The following DHRS12 variants were observed in gnomAD, a reference collection of about 807,000 sequenced individuals.
The protein encoded by DHRS12 is dehydrogenase/reductase 12.
Under a neutral mutation model 32.1 loss-of-function variants are expected in DHRS12, and 29 were observed. The ratio of observed to expected loss-of-function variants is 0.90; its 90% CI spans 0.67 to 1.23. The LOEUF (loss-of-function observed/expected upper bound fraction) is 1.23. DHRS12 is among the 50% of genes most tolerant of loss of function. DHRS12 has a pLI of 0.00. For synonymous variants in DHRS12, 150 were observed against 135.9 expected, an observed-to-expected ratio of 1.10 and a Z score of -0.72; for missense variants, 330 against 337.2, an observed-to-expected ratio of 0.98 and a Z score of 0.17.
intron 2 of DHRS12, among the ~76,000 whole-genome samples, chr13:51,793,742 G>C (rs1382656849): frequency 1.3e-5 from 2 of 152,188 alleles, no homozygotes; most frequent in African/African-American, 4.8e-5. Flanking sequence ...ACTGAGTCTA[G>C]ACACCTAATC....
At chr13:51,797,415 A>C (rs1260878482) in intron 2 of DHRS12, among the ~76,000 whole-genome samples, 1 of 152,194 alleles carries the variant, frequency 6.6e-6, no homozygotes, top group Admixed American at 6.5e-5. Context: ...AGTAGCTCTC[A>C]TCAAGACCCA....
chr13:51,782,155 A>C lies in DHRS12; in HGVS notation c.302-5034T>G, dbSNP rs947712388. On this transcript the variant is annotated intron_variant, in intron 4 of 8. Transcript: ENST00000444610. The surrounding 1 kb of genome is among the most constrained non-coding windows in gnomAD (Gnocchi z 4.2). ...CAGACCGGTGAGGGACTAAGGCTTC[A>C]GTTTTGGACATGCTGAGTCTGAGGT... Among the ~76,000 whole-genome samples, 11 of 152,110 alleles carry C rather than the reference A, an allele frequency of 7.2e-5. No individual in the cohort carries two copies. The highest frequency in any genetic ancestry group is 1.2e-4 in the Non-Finnish European group (8 of 68,022).
chr13:51,786,207 A>G (rs1954948267), intron 4 of DHRS12, among the ~76,000 whole-genome samples: 1 of 152,234 alleles, frequency 6.6e-6, no homozygotes, highest in Non-Finnish European at 1.5e-5. Flanking sequence ...CTGCCTGTTT[A>G]TCACAGTCAA....
intron 5 of DHRS12, chr13:51,776,572 C>T (rs997290253): frequency 3.0e-4 from 51 of 168,506 alleles, no homozygotes; most frequent in African/African-American, 1.1e-3. Context: ...AGGATATGAA[C>T]TTTCGGGTCG....
chr13:51,755,679 G>A, the DHRS12 span, among the ~76,000 whole-genome samples: 2 of 152,188 alleles, frequency 1.3e-5, no homozygotes, highest in East Asian at 3.9e-4. Context: ...AGTTAGGGAT[G>A]TGATTTTAGA....
chr13:51,757,098 G>T, the DHRS12 span, among the ~76,000 whole-genome samples: 1 of 152,174 alleles, frequency 6.6e-6, no homozygotes, highest in Non-Finnish European at 1.5e-5. Flanking sequence ...CTTACAGGAG[G>T]ATCTGCAGGG....
intron 6 of DHRS12, chr13:51,772,604 C>T (rs1432684113): frequency 9.1e-6 from 9 of 984,624 alleles, no homozygotes; most frequent in Non-Finnish European, 1.1e-5. Context: ...TATGAATTAA[C>T]TCCTTCCTTA....
At position 51,799,642 on chromosome 13, in the gene DHRS12, C is replaced by G. The variant is rs770572615; in HGVS notation, c.18G>C (p.Lys6Asn). The change falls in exon 2 of 9, where the codon AAG becomes AAC. Residue 6 changes from lysine (K) to asparagine (N), a missense_variant. Coordinates refer to ENST00000444610, the MANE Select transcript of DHRS12 (RefSeq NM_001377533.1). The stretch of plus-strand genomic sequence containing the variant: ...ACCTCCAAGTCATGAGGGACAAAGT[C>G]TTTACATGCAGATTCATAGCCACTC... MNLHV[K>N]TLSLMTWRSR... 6.2e-7 allele frequency: 1 copy of G among 1,614,098 alleles called. No individual in the cohort carries two copies. Among genetic ancestry groups the G allele is most frequent in the African/African-American group, 1.3e-5 (1 of 75,052 alleles).
At chr13:51,768,382 G>T (rs538773008) in intron 8 of DHRS12, 86 bp from the exon 9 acceptor site, 2 of 1,517,268 alleles carry the variant, frequency 1.3e-6, no homozygotes, top group South Asian at 1.2e-5. Flanking sequence ...GCCTTGAACC[G>T]ACGCCTGCTG....
chr13:51,776,584 G>A, intron 5 of DHRS12: 1 of 174,808 alleles, frequency 5.7e-6, no homozygotes, highest in Non-Finnish European at 1.2e-5. Flanking sequence ...TTCGGGTCGG[G>A]GGTGGCACAG....
the DHRS12 span, chr13:51,756,359 G>T: frequency 6.2e-7 from 1 of 1,613,870 alleles, no homozygotes; most frequent in Non-Finnish European, 8.5e-7. Flanking sequence ...TGGGAAGGCC[G>T]TCTGTGGCAA....
At chr13:51,771,628 C>T in intron 7 of DHRS12, 193 bp downstream of exon 7, 1 of 1,456,078 alleles carries the variant, frequency 6.9e-7, no homozygotes. Flanking sequence ...AAGCTGGAAG[C>T]AAAAGCTCTG....
intron 5 of DHRS12, among the ~76,000 whole-genome samples, chr13:51,776,819 G>A (rs1050095093): frequency 2.6e-5 from 4 of 152,144 alleles, no homozygotes; most frequent in African/African-American, 7.2e-5. Context: ...GTGCTTTGCC[G>A]ACACCCACGT....
chr13:51,776,973 G>A, intron 5 of DHRS12, 87 bp downstream of exon 5: 1 of 1,484,698 alleles, frequency 6.7e-7, no homozygotes, highest in African/African-American at 1.4e-5. Context: ...GCCCCCTTAG[G>A]GCAGTCAGGC....
At chr13:51,794,792 G>GTT (rs34797291) in intron 2 of DHRS12, among the ~76,000 whole-genome samples, 1 of 146,984 alleles carries the variant, frequency 6.8e-6, no homozygotes. Context: ...TAAAATAGAA[G>GTT]TTTTTTTTTT....
At chr13:51,789,574 C>T in intron 4 of DHRS12, 1 of 985,420 alleles carries the variant, frequency 1.0e-6, no homozygotes, top group Non-Finnish European at 1.2e-6. Context: ...CTTCACTCTG[C>T]TATTACAGAG....
At chr13:51,785,904 C>T (rs929040092) in intron 4 of DHRS12, among the ~76,000 whole-genome samples, 1 of 152,172 alleles carries the variant, frequency 6.6e-6, no homozygotes, top group African/African-American at 2.4e-5. Flanking sequence ...CCTCAGTTTC[C>T]TCATTTGTAA....
the DHRS12 span, chr13:51,758,330 C>CAAA: frequency 6.7e-7 from 1 of 1,498,492 alleles, no homozygotes; most frequent in Non-Finnish European, 9.2e-7. Context: ...AGAAGCTTTC[C>CAAA]ATCTTTGGCC....
chr13:51,759,792 G>T, the DHRS12 span: 1 of 1,612,872 alleles, frequency 6.2e-7, no homozygotes, highest in Non-Finnish European at 8.5e-7. Flanking sequence ...GAATCAGAAA[G>T]ATAGTATTTA....
Sources: allele counts gnomAD v4.1 joint callset (sites outside exome capture counted in the v4.1 genomes callset), GRCh38; gene constraint gnomAD v4.1.1; non-coding constraint Gnocchi (gnomAD v3.1); transcripts MANE v1.5; gene names NCBI Gene and HGNC (gene_info 2026-07-23, HGNC 2026-07-21).